The following SNX29 variants were observed in gnomAD, a reference collection of about 807,000 sequenced individuals.
The protein encoded by SNX29 is sorting nexin 29.
A neutral mutation model predicts 102.1 loss-of-function variants in SNX29; 78 were observed. The ratio of observed to expected loss-of-function variants is 0.76; its 90% CI spans 0.64 to 0.92. The LOEUF is 0.92. Among genes scored for constraint, SNX29 ranks in the 40% least tolerant of loss-of-function variants. The pLI is 0.00. For synonymous variants in SNX29, 580 were observed against 414.5 expected (o/e 1.40, Z -4.85); for missense variants, 1,280 against 1,061.7 (o/e 1.21, Z -2.86).
At chr16:12,248,997 A>G (rs2078343539) in intron 14 of SNX29, among the ~76,000 whole-genome samples, 1 of 152,148 alleles carries the variant, frequency 6.6e-6, no homozygotes, top group South Asian at 2.1e-4. Flanking sequence ...CTGGGTCCAC[A>G]TGATTCTGTC....
intron 16 of SNX29, among the ~76,000 whole-genome samples, chr16:12,388,885 A>G (rs2083428905): frequency 1.3e-5 from 2 of 152,186 alleles, no homozygotes; most frequent in Admixed American, 1.3e-4. Flanking sequence ...TTAAGGTAAC[A>G]GGAAAGGCAG....
At chr16:12,272,578 C>T (rs2079123175) in intron 14 of SNX29, among the ~76,000 whole-genome samples, 1 of 152,200 alleles carries the variant, frequency 6.6e-6, no homozygotes, top group African/African-American at 2.4e-5. Flanking sequence ...TGCAGGCTCC[C>T]CTCAAATTCT....
intron 14 of SNX29, among the ~76,000 whole-genome samples, chr16:12,226,361 G>A (rs2077610801): frequency 6.6e-6 from 1 of 152,122 alleles, no homozygotes; most frequent in South Asian, 2.1e-4. Context: ...AAATGAATGT[G>A]CACTATTAAG....
chr16:12,163,764 T>C (rs978363735), intron 13 of SNX29, among the ~76,000 whole-genome samples: 25 of 152,178 alleles, frequency 1.6e-4, no homozygotes, highest in African/African-American at 5.8e-4. Context: ...CCTCGGCACA[T>C]CCTGCGGTCT....
intron 12 of SNX29, among the ~76,000 whole-genome samples, chr16:12,127,679 C>A (rs2054277372): frequency 6.6e-6 from 1 of 152,142 alleles, no homozygotes; most frequent in Non-Finnish European, 1.5e-5. Context: ...ACCTTGGCCT[C>A]CCAAAGTGCT....
chr16:12,455,596 T>C (rs967419382), intron 18 of SNX29, among the ~76,000 whole-genome samples: 3 of 152,282 alleles, frequency 2.0e-5, no homozygotes, highest in African/African-American at 7.2e-5. Context: ...GTGAGACTTT[T>C]CTGACTTCCC....
chr16:12,491,528 T>A (rs1050864280), intron 19 of SNX29, among the ~76,000 whole-genome samples: 6 of 152,120 alleles, frequency 3.9e-5, no homozygotes, highest in African/African-American at 1.4e-4. Flanking sequence ...TTATGTGACT[T>A]ATTTTTTTTT....
chr16:11,994,572 A>G (rs1194240985), intron 1 of SNX29, among the ~76,000 whole-genome samples: 2 of 152,162 alleles, frequency 1.3e-5, no homozygotes, highest in African/African-American at 2.4e-5. Context: ...CCCTGGGTAA[A>G]GGTCTTTTCC....
intron 19 of SNX29, among the ~76,000 whole-genome samples, chr16:12,485,322 C>T (rs2088173992): frequency 6.6e-6 from 1 of 152,178 alleles, no homozygotes; most frequent in Admixed American, 6.5e-5. Flanking sequence ...TTACTAAAGT[C>T]TGCATTATGG....
intron 19 of SNX29, among the ~76,000 whole-genome samples, chr16:12,478,933 A>G (rs570038700): frequency 5.9e-5 from 9 of 152,284 alleles, no homozygotes; most frequent in South Asian, 4.1e-4. Context: ...CAATTTCGGT[A>G]TGTGTTCAAT....
intron 16 of SNX29, among the ~76,000 whole-genome samples, chr16:12,361,612 C>G (rs570102622): frequency 6.6e-5 from 10 of 152,196 alleles, no homozygotes; most frequent in African/African-American, 2.2e-4. Context: ...TGCAACTCTC[C>G]CAGCATCCCA....
chr16:12,293,547 C>A (rs1004450071), intron 15 of SNX29, among the ~76,000 whole-genome samples: 2 of 152,190 alleles, frequency 1.3e-5, no homozygotes, highest in Admixed American at 6.5e-5. Context: ...CTGAAAGAGA[C>A]TTGAAATTGG....
chr16:12,420,600 A>G (rs541118895), intron 18 of SNX29, among the ~76,000 whole-genome samples: 16 of 152,278 alleles, frequency 1.1e-4, no homozygotes, highest in African/African-American at 3.9e-4. Context: ...AAGTTTCTTA[A>G]CATCTCTGCA....
intron 2 of SNX29, among the ~76,000 whole-genome samples, chr16:12,002,166 G>T (rs2056311389): frequency 1.3e-5 from 2 of 152,018 alleles, no homozygotes. Flanking sequence ...TAGCCTGCAG[G>T]GCCGGGCGCA....
At chr16:12,232,635 G>T (rs934360315) in intron 14 of SNX29, among the ~76,000 whole-genome samples, 2 of 152,172 alleles carry the variant, frequency 1.3e-5, no homozygotes, top group Admixed American at 6.5e-5. Context: ...AAACGTTGGG[G>T]AATCTGGCTA....
chr16:12,244,088 G>A (rs1457769381), intron 14 of SNX29, among the ~76,000 whole-genome samples: 1 of 152,078 alleles, frequency 6.6e-6, no homozygotes, highest in African/African-American at 2.4e-5. Flanking sequence ...CTCACAATAC[G>A]GTTCATGCAC....
chr16:12,165,869 T>C (rs1172339629), intron 13 of SNX29, among the ~76,000 whole-genome samples: 1 of 152,200 alleles, frequency 6.6e-6, no homozygotes, highest in African/African-American at 2.4e-5. Context: ...CGGCCAGACT[T>C]TGATTCCCTT....
intron 13 of SNX29, among the ~76,000 whole-genome samples, chr16:12,146,511 C>A (rs1425178713): frequency 6.6e-6 from 1 of 152,172 alleles, no homozygotes; most frequent in African/African-American, 2.4e-5. Flanking sequence ...AGTGATCCAC[C>A]CGCCTTGGCC....
At chr16:12,496,342 A>G (rs1363986560) in intron 19 of SNX29, among the ~76,000 whole-genome samples, 1 of 152,048 alleles carries the variant, frequency 6.6e-6, no homozygotes, top group Admixed American at 6.6e-5. Flanking sequence ...CCTGCAGCTC[A>G]GGGTACACGG....
Sources: allele counts gnomAD v4.1 joint callset (sites outside exome capture counted in the v4.1 genomes callset), GRCh38; gene constraint gnomAD v4.1.1; transcripts MANE v1.5; gene names NCBI Gene and HGNC (gene_info 2026-07-23, HGNC 2026-07-21).